PPP1R9A: variants seen among roughly 807,000 people sequenced by gnomAD.
PPP1R9A encodes the protein neurabin-1.
In PPP1R9A, 59 loss-of-function variants were observed where a neutral mutation model predicts 141.9. The observed-to-expected ratio is 0.42, with a 90% CI of 0.34 to 0.52. The LOEUF is 0.52. PPP1R9A is among the 20% of genes least tolerant of loss of function. PPP1R9A has a pLI of 0.10. For missense variants in PPP1R9A, 1,444 were observed against 1,611.9 expected (o/e 0.90, Z 1.78); for synonymous variants, 500 against 569.7 (o/e 0.88, Z 1.74).
chr7:95,181,108 A>G (rs1833672493), intron 5 of PPP1R9A, among the ~76,000 whole-genome samples: 1 of 150,770 alleles, frequency 6.6e-6, no homozygotes, highest in South Asian at 2.1e-4. Context: ...CAACTGCAAC[A>G]TCATGGAGCC....
chr7:95,240,313 T>C (rs1797267643), intron 8 of PPP1R9A, among the ~76,000 whole-genome samples: 1 of 152,102 alleles, frequency 6.6e-6, no homozygotes, highest in South Asian at 2.1e-4. Context: ...AAGTAGGCCT[T>C]CTTTCATTGA....
At chr7:95,037,710 T>C (rs574058453) in intron 2 of PPP1R9A, among the ~76,000 whole-genome samples, 105 of 151,120 alleles carry the variant, frequency 6.9e-4, no homozygotes, top group Admixed American at 2.4e-3. Flanking sequence ...CGTGCGCGCG[T>C]GTGTGTGTGC....
In PPP1R9A at chr7:95,135,854, CTTTTTTTT is replaced by C. The variant is rs58872136; in HGVS notation, c.1649+15040_1649+15047del. On this transcript the variant is annotated intron_variant, in intron 4 of 19. Coordinates refer to ENST00000433360, the MANE Select transcript of PPP1R9A (RefSeq NM_001166160.2). ...TTGAGAGATTAAGCTTTCAGCTTTA[CTTTTTTTT>C]TTTTTTTTTTTTTTTTTGCTGGAAA... is the stretch of plus-strand genomic sequence containing the variant. Among the ~76,000 whole-genome samples, 49 of 73,058 alleles carry C rather than the reference CTTTTTTTT, an allele frequency of 6.7e-4. No homozygotes were observed. In the South Asian group the frequency reaches 0.013, roughly 19 times the overall value. The allele number at this position is 73,058 out of a possible 152,430, so 47.9% of individuals were successfully genotyped here.
At chr7:94,964,481 G>A (rs952469004) in intron 2 of PPP1R9A, among the ~76,000 whole-genome samples, 4 of 151,872 alleles carry the variant, frequency 2.6e-5, no homozygotes, top group African/African-American at 7.3e-5. Context: ...GCTATCCCTC[G>A]CCTAAATCCC....
At chr7:95,060,503 A>C (rs1812089181) in intron 2 of PPP1R9A, among the ~76,000 whole-genome samples, 1 of 152,170 alleles carries the variant, frequency 6.6e-6, no homozygotes, top group African/African-American at 2.4e-5. Context: ...ACCAGTGCCA[A>C]ATAAGAGGGT....
At chr7:95,096,119 A>G (rs1817982301) in intron 2 of PPP1R9A, among the ~76,000 whole-genome samples, 1 of 152,204 alleles carries the variant, frequency 6.6e-6, no homozygotes, top group Admixed American at 6.5e-5. Context: ...AACCTCAAGT[A>G]TGAATTCTCT....
At chr7:95,215,876 T>C (rs1258608946) in intron 7 of PPP1R9A, among the ~76,000 whole-genome samples, 7 of 152,202 alleles carry the variant, frequency 4.6e-5, no homozygotes, top group Non-Finnish European at 1.5e-5. Flanking sequence ...ATATTAGCCC[T>C]TTGTCAGATG....
At chr7:95,108,307 CTTTTTTTTTTTT>C (rs1166103728) in intron 2 of PPP1R9A, among the ~76,000 whole-genome samples, 11 of 59,616 alleles carry the variant, frequency 1.8e-4, no homozygotes, top group African/African-American at 7.9e-4. Context: ...CGTTTCTTTT[CTTTTTTTTTTTT>C]TTTTTTTTTT....
At chr7:95,224,936 G>GT (rs138385034) in intron 7 of PPP1R9A, among the ~76,000 whole-genome samples, 10,166 of 152,020 alleles carry the variant, frequency 0.067, 809 homozygotes, top group African/African-American at 0.18. Context: ...AATGAACTTT[G>GT]TTTTTTTAAC....
intron 4 of PPP1R9A, among the ~76,000 whole-genome samples, chr7:95,157,267 A>G (rs1584996763): frequency 6.6e-6 from 1 of 151,602 alleles, no homozygotes; most frequent in Non-Finnish European, 1.5e-5. Flanking sequence ...CTCCCCCCCC[A>G]GAGTGCAGGG....
chr7:95,249,307 G>A (rs1384864795), intron 9 of PPP1R9A, among the ~76,000 whole-genome samples: 1 of 152,122 alleles, frequency 6.6e-6, no homozygotes, highest in Non-Finnish European at 1.5e-5. Flanking sequence ...AAAATAATGA[G>A]CTATAGAATA....
chr7:95,040,797 T>G (rs80291318), intron 2 of PPP1R9A, among the ~76,000 whole-genome samples: 1 of 152,124 alleles, frequency 6.6e-6, no homozygotes, highest in African/African-American at 2.4e-5. Context: ...CATGATTATT[T>G]TGATGATCTG....
chr7:95,177,333 C>A (rs997049376), intron 5 of PPP1R9A, among the ~76,000 whole-genome samples: 1 of 152,104 alleles, frequency 6.6e-6, no homozygotes, highest in Non-Finnish European at 1.5e-5. Context: ...GAATTCACCA[C>A]TAACAAGCCA....
chr7:95,223,680 C>T (rs1250258111), intron 7 of PPP1R9A, among the ~76,000 whole-genome samples: 1 of 151,964 alleles, frequency 6.6e-6, no homozygotes, highest in Non-Finnish European at 1.5e-5. Flanking sequence ...TTAAAACGTG[C>T]CACATTGTTA....
chr7:95,216,629 T>C (rs1358384524), intron 7 of PPP1R9A, among the ~76,000 whole-genome samples: 1 of 152,210 alleles, frequency 6.6e-6, no homozygotes, highest in Non-Finnish European at 1.5e-5. Context: ...GTTTGTATCC[T>C]CTTTTATTTC....
chr7:95,196,872 T>C (rs1836363472), intron 5 of PPP1R9A, among the ~76,000 whole-genome samples: 1 of 152,168 alleles, frequency 6.6e-6, no homozygotes, highest in African/African-American at 2.4e-5. Flanking sequence ...TATTGAACTG[T>C]ACATTTAAAA....
At chr7:95,252,569 G>A (rs960285043) in intron 12 of PPP1R9A, among the ~76,000 whole-genome samples, 3 of 148,206 alleles carry the variant, frequency 2.0e-5, no homozygotes, top group Non-Finnish European at 4.4e-5. Flanking sequence ...CCAGGTTCAA[G>A]CGATTCTCAT....
intron 4 of PPP1R9A, among the ~76,000 whole-genome samples, chr7:95,146,673 A>G (rs936201693): frequency 6.6e-6 from 1 of 152,166 alleles, no homozygotes; most frequent in African/African-American, 2.4e-5. Flanking sequence ...TAATTTTTGT[A>G]TAAGGTGTAA....
intron 5 of PPP1R9A, among the ~76,000 whole-genome samples, chr7:95,163,472 A>G (rs1830723936): frequency 6.6e-6 from 1 of 152,214 alleles, no homozygotes; most frequent in Non-Finnish European, 1.5e-5. Flanking sequence ...AGTATCCCTT[A>G]TGTTAAATGC....
Sources: gnomAD v4.1 joint callset for allele counts (sites outside exome capture counted in the v4.1 genomes callset) on GRCh38, gnomAD v4.1.1 for gene constraint, MANE v1.5 for transcripts, NCBI Gene and HGNC (gene_info 2026-07-23, HGNC 2026-07-21) for gene names.